Variants in RABGAP1 observed in about 807,000 individuals in gnomAD.
RABGAP1 encodes rab GTPase-activating protein 1.
RABGAP1 carries 23 observed loss-of-function variants against 137.6 expected under a neutral mutation model. The ratio of observed to expected loss-of-function variants is 0.17; its 90% CI spans 0.12 to 0.24. RABGAP1 has a LOEUF of 0.24. Among genes scored for constraint, RABGAP1 ranks in the 10% least tolerant of loss-of-function variants. RABGAP1 has a pLI of 1.00. For missense variants in RABGAP1, 906 were observed against 1,275.8 expected (o/e 0.71, Z 4.42); for synonymous variants, 451 against 450.7 (o/e 1.00, Z -0.01).
chr9:123,062,119 T>G (rs543070970), intron 13 of RABGAP1: 1 of 152,268 alleles, frequency 6.6e-6, no homozygotes, highest in East Asian at 1.9e-4. Flanking sequence ...AATACAAAAA[T>G]TAGCCAGGCG....
intron 2 of RABGAP1, among the ~76,000 whole-genome samples, chr9:122,978,593 C>T (rs1220578232): frequency 1.3e-5 from 2 of 152,282 alleles, no homozygotes; most frequent in Admixed American, 6.5e-5. Flanking sequence ...TATGATCGTG[C>T]CACTCTCCTG....
At chr9:123,087,249 GA>G (rs1402857315) in intron 19 of RABGAP1, among the ~76,000 whole-genome samples, 1 of 152,150 alleles carries the variant, frequency 6.6e-6, no homozygotes, top group Non-Finnish European at 1.5e-5. Flanking sequence ...TATCTATGGG[GA>G]AAAATGTTAA....
At chr9:123,024,708 GATTAC>G (rs1030790608) in intron 13 of RABGAP1, among the ~76,000 whole-genome samples, 7 of 152,108 alleles carry the variant, frequency 4.6e-5, no homozygotes, top group Non-Finnish European at 1.0e-4. Flanking sequence ...AAAGTTCTGG[GATTAC>G]AGGCATGAGC....
At chr9:123,034,463 A>G (rs1441781389) in intron 13 of RABGAP1, 1 of 721,502 alleles carries the variant, frequency 1.4e-6, no homozygotes. Context: ...CTCTGGCATT[A>G]TTACACACAT....
At chr9:122,935,133 T>G in the RABGAP1 span, among the ~76,000 whole-genome samples, 5 of 152,220 alleles carry the variant, frequency 3.3e-5, no homozygotes, top group African/African-American at 1.2e-4. Flanking sequence ...TTGATTCCCC[T>G]CTCATTTCCT....
At chr9:123,035,701 T>C in intron 13 of RABGAP1, 1 of 853,188 alleles carries the variant, frequency 1.2e-6, no homozygotes, top group Non-Finnish European at 1.8e-6. Context: ...CTCTAAGTAT[T>C]CCTAATTCAC....
intron 2 of RABGAP1, among the ~76,000 whole-genome samples, chr9:122,960,960 C>T (rs1233521789): frequency 6.6e-6 from 1 of 151,860 alleles, no homozygotes; most frequent in East Asian, 1.9e-4. Flanking sequence ...GACGATAGAT[C>T]AGTAGAAATT....
intron 13 of RABGAP1, among the ~76,000 whole-genome samples, chr9:123,059,687 A>G (rs550852048): frequency 6.6e-6 from 1 of 152,336 alleles, no homozygotes; most frequent in Non-Finnish European, 1.5e-5. Flanking sequence ...GTGCTCTTAT[A>G]AAGAAGAGAC....
intron 13 of RABGAP1, among the ~76,000 whole-genome samples, chr9:123,025,131 T>C (rs2031879026): frequency 6.6e-6 from 1 of 152,186 alleles, no homozygotes; most frequent in South Asian, 2.1e-4. Flanking sequence ...TTTACTTTCT[T>C]CCAGATGGAT....
Position 122,989,481 on chromosome 9 carries a change from CAA to C in RABGAP1, c.765+11_765+12del, listed in dbSNP as rs866773691. Reference sequence around the variant, plus strand: ...TGAAATACAAGAAGCTGTAAGTCCTCAAGAGAAAACTCTCTGCAAATGAAACT... The same window carrying C: ...TGAAATACAAGAAGCTGTAAGTCCTCGAGAAAACTCTCTGCAAATGAAACT... On this transcript the variant is annotated intron_variant, in intron 5 of 25. Coordinates refer to ENST00000373647, the MANE Select transcript of RABGAP1 (RefSeq NM_012197.4). 6.2e-7 allele frequency: 1 copy of C among 1,612,816 alleles called. No individual in the cohort carries two copies. Among genetic ancestry groups the C allele is most frequent in the Non-Finnish European group, 8.5e-7 (1 of 1,179,482 alleles).
chr9:123,018,261 G>T (rs1320054383), intron 12 of RABGAP1, among the ~76,000 whole-genome samples: 1 of 152,160 alleles, frequency 6.6e-6, no homozygotes, highest in Non-Finnish European at 1.5e-5. Flanking sequence ...GACTGTTAAT[G>T]GATAAGAGAA....
intron 4 of RABGAP1, among the ~76,000 whole-genome samples, chr9:122,988,216 T>C (rs994883395): frequency 1.3e-5 from 2 of 152,210 alleles, no homozygotes; most frequent in African/African-American, 4.8e-5. Context: ...ACCCCACATT[T>C]TTAGAGTTTT....
intron 21 of RABGAP1, among the ~76,000 whole-genome samples, chr9:123,097,336 C>T (rs2035214671): frequency 6.6e-6 from 1 of 152,172 alleles, no homozygotes; most frequent in African/African-American, 2.4e-5. Flanking sequence ...GGAAGAAAAC[C>T]AGTTTATTAA....
chr9:122,999,656 T>C (rs192003323), intron 10 of RABGAP1, among the ~76,000 whole-genome samples: 3 of 152,248 alleles, frequency 2.0e-5, no homozygotes, highest in African/African-American at 7.2e-5. Flanking sequence ...TTTATCCTGC[T>C]TGGGATTTGT....
chr9:123,076,544 A>C, intron 18 of RABGAP1, 90 bp from the exon 19 acceptor site: 2 of 1,392,844 alleles, frequency 1.4e-6, no homozygotes, highest in Non-Finnish European at 1.9e-6. Flanking sequence ...GGGATTGTAA[A>C]AGTGCTGAAA....
chr9:123,067,678 A>G (rs2034220710), intron 14 of RABGAP1, among the ~76,000 whole-genome samples: 1 of 152,208 alleles, frequency 6.6e-6, no homozygotes, highest in Admixed American at 6.5e-5. Context: ...TAGATATGGT[A>G]GCATCTGTAG....
At chr9:123,075,689 T>C (rs1039103891) in intron 17 of RABGAP1, among the ~76,000 whole-genome samples, 2 of 152,216 alleles carry the variant, frequency 1.3e-5, no homozygotes, top group Non-Finnish European at 2.9e-5. Flanking sequence ...CATAAACTTT[T>C]CAGCTAATTA....
At chr9:122,948,912 C>T (rs186227200) in intron 1 of RABGAP1, among the ~76,000 whole-genome samples, 1 of 152,142 alleles carries the variant, frequency 6.6e-6, no homozygotes, top group Non-Finnish European at 1.5e-5. Context: ...ATTTATTGAA[C>T]ACTGCCCGTA....
chr9:123,007,996 T>A (rs1031075692), intron 10 of RABGAP1, among the ~76,000 whole-genome samples: 1 of 150,556 alleles, frequency 6.6e-6, no homozygotes, highest in Non-Finnish European at 1.5e-5. Flanking sequence ...TATATAAAAG[T>A]TTTATATTTA....
Sources: allele counts gnomAD v4.1 joint callset (sites outside exome capture counted in the v4.1 genomes callset), GRCh38; gene constraint gnomAD v4.1.1; transcripts MANE v1.5; gene names NCBI Gene and HGNC (gene_info 2026-07-23, HGNC 2026-07-21).